The following SPRYD7 variants were observed in gnomAD, a reference collection of about 807,000 sequenced individuals.
SPRYD7 encodes the protein SPRY domain-containing protein 7.
A neutral mutation model predicts 23.8 loss-of-function variants in SPRYD7; 14 were observed. The ratio of observed to expected loss-of-function variants is 0.59; its 90% CI spans 0.39 to 0.92. The LOEUF (loss-of-function observed/expected upper bound fraction) is 0.92, where lower values mean the gene tolerates loss of function less well. Among genes scored for constraint, SPRYD7 ranks in the 40% least tolerant of loss-of-function variants. The probability of loss-of-function intolerance (pLI) is 0.00; values close to 1 mark genes in which losing one functional copy is unlikely to be tolerated. For missense variants in SPRYD7, 194 were observed against 241.7 expected (o/e 0.80, Z 1.31); for synonymous variants, 75 against 84.9 (o/e 0.88, Z 0.64).
Position 49,914,866 on chromosome 13 carries a change from G to A in SPRYD7, c.*197C>T, listed in dbSNP as rs549623975. 5 of 309,982 alleles carry A rather than the reference G, an allele frequency of 1.6e-5. No homozygotes were observed. The East Asian group carries it at 1.7e-4, about 11-fold the overall frequency. The allele number at this position is 309,982 out of a possible 1,614,324, so 19.2% of individuals were successfully genotyped here. ...TAAGAATTAAATAAACTGCCCAAAT[G>A]CTTATTTTCATTTCACAAAACATAA... On this transcript the variant is annotated 3_prime_UTR_variant, in exon 5 of 5. Transcript: ENST00000361840.
At chr13:49,927,846 C>A in intron 3 of SPRYD7, 73 bp downstream of exon 3, 1 of 1,513,126 alleles carries the variant, frequency 6.6e-7, no homozygotes. Context: ...AACTCCCAGA[C>A]AAAGCTGTAG....
At chr13:49,927,254 G>C (rs1955892262) in intron 3 of SPRYD7, among the ~76,000 whole-genome samples, 1 of 152,116 alleles carries the variant, frequency 6.6e-6, no homozygotes, top group Non-Finnish European at 1.5e-5. Context: ...CAGCACTTTG[G>C]GAGGCCGAGG....
chr13:49,919,458 C>T (rs530803371), intron 4 of SPRYD7, among the ~76,000 whole-genome samples: 9 of 152,068 alleles, frequency 5.9e-5, no homozygotes, highest in Non-Finnish European at 8.8e-5. Flanking sequence ...GCAGGAGAAT[C>T]GCTTGAACCT....
At chr13:49,928,307 G>A (rs1955906883) in intron 2 of SPRYD7, among the ~76,000 whole-genome samples, 1 of 152,112 alleles carries the variant, frequency 6.6e-6, no homozygotes, top group African/African-American at 2.4e-5. Flanking sequence ...TTGGGCATGG[G>A]AGCATGTGCC....
At chr13:49,921,737 A>C (rs1018879338) in intron 3 of SPRYD7, among the ~76,000 whole-genome samples, 157 bp from the exon 4 acceptor site, 4 of 152,228 alleles carry the variant, frequency 2.6e-5, no homozygotes, top group African/African-American at 9.6e-5. Context: ...AGCTAAAAAA[A>C]TGAGTAGTGA....
chr13:49,933,942 C>A (rs910863582), intron 1 of SPRYD7, among the ~76,000 whole-genome samples: 10 of 151,740 alleles, frequency 6.6e-5, no homozygotes, highest in Non-Finnish European at 1.3e-4. Context: ...AAAAATTATG[C>A]CATAGAAAAT....
At chr13:49,918,548 C>T (rs1279731978) in intron 4 of SPRYD7, among the ~76,000 whole-genome samples, 1 of 149,888 alleles carries the variant, frequency 6.7e-6, no homozygotes, top group Non-Finnish European at 1.5e-5. Flanking sequence ...GTTGCGATTA[C>T]AGGTGTGTGC....
At chr13:49,922,102 C>G (rs1292510646) in intron 3 of SPRYD7, among the ~76,000 whole-genome samples, 2 of 151,690 alleles carry the variant, frequency 1.3e-5, no homozygotes, top group African/African-American at 2.4e-5. Context: ...TCAAATGTGT[C>G]AAGTGTATTA....
At chr13:49,931,243 G>A (rs751005930) in intron 1 of SPRYD7, 109 bp from the exon 2 acceptor site, 2 of 597,394 alleles carry the variant, frequency 3.3e-6, no homozygotes, top group East Asian at 3.6e-5. Flanking sequence ...GCAGTGGCAC[G>A]GTCTTGGCTC....
At chr13:49,928,662 TACA>T (rs1049206390) in intron 2 of SPRYD7, among the ~76,000 whole-genome samples, 5 of 152,114 alleles carry the variant, frequency 3.3e-5, no homozygotes, top group Admixed American at 1.3e-4. Context: ...AATGAAAAGA[TACA>T]ACAAGATAAT....
At chr13:49,926,286 G>A (rs947499132) in intron 3 of SPRYD7, among the ~76,000 whole-genome samples, 1 of 152,206 alleles carries the variant, frequency 6.6e-6, no homozygotes, top group African/African-American at 2.4e-5. Flanking sequence ...AATGAGATAG[G>A]AAGGCAGGTA....
rs747442130 is a variant in SPRYD7 at position 49,936,258 on chromosome 13, C to T, written c.-23G>A. On this transcript the variant is annotated 5_prime_UTR_variant, in exon 1 of 5. Transcript: ENST00000361840. ...CATCGCGCAGGGACCACCGACTCCGCCGCCGTCCCTAGACCGAGGCGACAC... is the reference window on the plus strand; with the variant it reads ...CATCGCGCAGGGACCACCGACTCCGTCGCCGTCCCTAGACCGAGGCGACAC... 2.2e-5 allele frequency: 34 copies of T among 1,572,096 alleles called. No individual in the cohort carries two copies. The highest frequency in any genetic ancestry group is 2.9e-5 in the Non-Finnish European group (34 of 1,155,966).
At chr13:49,915,336 A>G (rs867597879) in intron 4 of SPRYD7, among the ~76,000 whole-genome samples, 176 bp from the exon 5 acceptor site, 3 of 152,312 alleles carry the variant, frequency 2.0e-5, no homozygotes, top group Middle Eastern at 3.4e-3. Flanking sequence ...AAAAACAGCC[A>G]CAACAAAAAT....
In SPRYD7 at chr13:49,919,820, AG is replaced by A. The variant is rs1167326176; in HGVS notation, c.493+1657del. Reference sequence around the variant, plus strand: ...GTTATGTTTTTCTAAAAAAAAAAAAAGAAAGAGACCTTTTTTTCGAGATACA... The same window carrying A: ...GTTATGTTTTTCTAAAAAAAAAAAAAAAAGAGACCTTTTTTTCGAGATACA... On this transcript the variant is annotated intron_variant, in intron 4 of 4. Coordinates refer to ENST00000361840, the MANE Select transcript of SPRYD7 (RefSeq NM_020456.4). Among the ~76,000 whole-genome samples the A allele has an allele frequency of 2.0e-5, 3 of 151,626 alleles. No homozygotes were observed. In the East Asian group the frequency reaches 5.8e-4, roughly 29 times the overall value.
Position 49,915,032 on chromosome 13 carries a change from G to T in SPRYD7, c.*31C>A. On this transcript the variant is annotated 3_prime_UTR_variant, in exon 5 of 5. Transcript: ENST00000361840. ...TAAATGATGAACATTTTTTAACAGT[G>T]CAGAAATACAAGTTTTAAAAACAAA... is the stretch of plus-strand genomic sequence containing the variant. 1 of 1,255,834 alleles carries T rather than the reference G, an allele frequency of 8.0e-7. No individual in the cohort carries two copies. Among genetic ancestry groups the T allele is most frequent in the Non-Finnish European group, 1.1e-6 (1 of 881,572 alleles). The allele number at this position is 1,255,834 out of a possible 1,614,324, so 77.8% of individuals were successfully genotyped here.
At chr13:49,930,336 C>T (rs527263415) in intron 2 of SPRYD7, among the ~76,000 whole-genome samples, 1 of 151,932 alleles carries the variant, frequency 6.6e-6, no homozygotes, top group South Asian at 2.1e-4. Context: ...AATCCCAACA[C>T]TTTGGGAGGC....
chr13:49,925,725 T>C (rs2138228560), intron 3 of SPRYD7, among the ~76,000 whole-genome samples: 1 of 151,086 alleles, frequency 6.6e-6, no homozygotes, highest in African/African-American at 2.4e-5. Flanking sequence ...GGCAGGAGTA[T>C]GGCGTGAACC....
chr13:49,924,570 G>A (rs1225125031), intron 3 of SPRYD7, among the ~76,000 whole-genome samples: 3 of 152,052 alleles, frequency 2.0e-5, no homozygotes, highest in African/African-American at 7.2e-5. Flanking sequence ...GCCTCTCAAA[G>A]TGCTAGGATT....
At chr13:49,923,951 T>C (rs1382332824) in intron 3 of SPRYD7, among the ~76,000 whole-genome samples, 1 of 148,400 alleles carries the variant, frequency 6.7e-6, no homozygotes, top group Non-Finnish European at 1.5e-5. Flanking sequence ...TCAGGTATGA[T>C]CTTGGTTTTT....
Sources: allele counts gnomAD v4.1 joint callset (sites outside exome capture counted in the v4.1 genomes callset), GRCh38; gene constraint gnomAD v4.1.1; transcripts MANE v1.5; gene names NCBI Gene and HGNC (gene_info 2026-07-23, HGNC 2026-07-21).